MGAT5: variants seen among roughly 807,000 people sequenced by gnomAD.
The protein encoded by MGAT5 is alpha-1,6-mannosylglycoprotein 6-beta-N-acetylglucosaminyltransferase A.
MGAT5 carries 30 observed loss-of-function variants against 94.3 expected under a neutral mutation model. That is an observed-to-expected ratio of 0.32 (90% confidence interval 0.24 to 0.43). The LOEUF is 0.43. Ranked by LOEUF, MGAT5 falls within the 20% of genes least tolerant of loss-of-function variation. The probability of loss-of-function intolerance (pLI) is 1.00; values close to 1 mark genes in which losing one functional copy is unlikely to be tolerated. For missense variants in MGAT5, 691 were observed against 905.5 expected (o/e 0.76, Z 3.04); for synonymous variants, 310 against 322.9 (o/e 0.96, Z 0.43).
At chr2:134,362,549 T>C in intron 10 of MGAT5, 141 bp downstream of exon 10, 1 of 1,118,558 alleles carries the variant, frequency 8.9e-7, no homozygotes, top group Non-Finnish European at 1.3e-6. Flanking sequence ...TGTGCAAAGA[T>C]TCAGTTGCTC....
chr2:134,339,081 A>G (rs1246052891), intron 6 of MGAT5, among the ~76,000 whole-genome samples: 1 of 152,192 alleles, frequency 6.6e-6, no homozygotes, highest in African/African-American at 2.4e-5. Context: ...TGAGTTTGGT[A>G]TTCCTAATCC....
intron 10 of MGAT5, among the ~76,000 whole-genome samples, chr2:134,395,667 T>C (rs920722736): frequency 6.6e-5 from 10 of 152,222 alleles, no homozygotes; most frequent in African/African-American, 2.4e-4. Flanking sequence ...TATTTATGGA[T>C]GAGACATTTG....
chr2:134,391,860 C>G (rs1457052704), intron 10 of MGAT5, among the ~76,000 whole-genome samples: 1 of 152,182 alleles, frequency 6.6e-6, no homozygotes, highest in South Asian at 2.1e-4. Context: ...TTGGGCCTCT[C>G]CAGGAGGGAG....
intron 8 of MGAT5, among the ~76,000 whole-genome samples, chr2:134,347,681 C>T (rs1030259707): frequency 1.3e-5 from 2 of 152,028 alleles, no homozygotes; most frequent in African/African-American, 4.8e-5. Context: ...AGAGGATGTG[C>T]GTAGGTTATG....
At chr2:134,128,463 C>T (rs1685958001) in intron 1 of MGAT5, among the ~76,000 whole-genome samples, 2 of 152,142 alleles carry the variant, frequency 1.3e-5, no homozygotes, top group East Asian at 3.9e-4. Flanking sequence ...ATTGTTCTTC[C>T]TGTAAAGTGT....
At chr2:134,332,103 G>A (rs906300375) in intron 4 of MGAT5, among the ~76,000 whole-genome samples, 11 of 151,936 alleles carry the variant, frequency 7.2e-5, no homozygotes, top group African/African-American at 2.7e-4. Flanking sequence ...AGTTCATATG[G>A]AACCAAAAAA....
chr2:134,124,124 A>G (rs999219246), intron 1 of MGAT5, among the ~76,000 whole-genome samples: 1 of 152,180 alleles, frequency 6.6e-6, no homozygotes, highest in Non-Finnish European at 1.5e-5. Flanking sequence ...GCTGGGTATA[A>G]AGATGTCCTC....
intron 2 of MGAT5, among the ~76,000 whole-genome samples, chr2:134,291,799 T>C (rs1216897458): frequency 6.6e-6 from 1 of 152,220 alleles, no homozygotes; most frequent in Non-Finnish European, 1.5e-5. Context: ...TAGTCAGTTT[T>C]CCCTAGAAGC....
intron 11 of MGAT5, among the ~76,000 whole-genome samples, chr2:134,409,444 C>G (rs915829570): frequency 6.6e-6 from 1 of 152,192 alleles, no homozygotes; most frequent in Non-Finnish European, 1.5e-5. Flanking sequence ...TGGAGCTAGA[C>G]CTTGAAGCCT....
intron 1 of MGAT5, among the ~76,000 whole-genome samples, chr2:134,179,167 C>CT (rs1206910886): frequency 6.6e-6 from 1 of 152,074 alleles, no homozygotes; most frequent in East Asian, 1.9e-4. Context: ...CGTGTTTATC[C>CT]TTTTTTTGTG....
intron 1 of MGAT5, among the ~76,000 whole-genome samples, chr2:134,165,644 G>A (rs912624869): frequency 3.5e-4 from 53 of 152,214 alleles, no homozygotes; most frequent in African/African-American, 1.2e-3. Flanking sequence ...TCATGGTGGC[G>A]GGCGCCTGTA....
At chr2:134,402,043 G>C (rs1435695468) in intron 10 of MGAT5, among the ~76,000 whole-genome samples, 1 of 152,156 alleles carries the variant, frequency 6.6e-6, no homozygotes, top group East Asian at 1.9e-4. Flanking sequence ...AGATTTGCCT[G>C]GAGTGTCTGA....
intron 2 of MGAT5, among the ~76,000 whole-genome samples, chr2:134,291,942 C>T (rs1057219455): frequency 2.6e-5 from 4 of 152,068 alleles, no homozygotes; most frequent in African/African-American, 9.7e-5. Context: ...TGGAACTTTC[C>T]GTGACTGTTT....
At chr2:134,276,010 G>T (rs950216224) in intron 2 of MGAT5, among the ~76,000 whole-genome samples, 2 of 152,104 alleles carry the variant, frequency 1.3e-5, no homozygotes, top group Non-Finnish European at 2.9e-5. Context: ...GTGAAATTCC[G>T]ATCTATGAGA....
At chr2:134,192,971 TA>T (rs968321105) in intron 1 of MGAT5, among the ~76,000 whole-genome samples, 5 of 151,984 alleles carry the variant, frequency 3.3e-5, no homozygotes, top group African/African-American at 1.2e-4. Flanking sequence ...GAATGATGTT[TA>T]AAAAAATTTT....
At chr2:134,342,738 T>C (rs1298204195) in intron 7 of MGAT5, among the ~76,000 whole-genome samples, 3 of 86,812 alleles carry the variant, frequency 3.5e-5, no homozygotes, top group African/African-American at 8.4e-5. Flanking sequence ...AAAAAAAAAA[T>C]TGGATACACA....
intron 1 of MGAT5, among the ~76,000 whole-genome samples, chr2:134,177,630 A>C (rs1338141085): frequency 1.3e-5 from 2 of 152,188 alleles, no homozygotes; most frequent in African/African-American, 4.8e-5. Context: ...TGTCCAAATG[A>C]ACTGATTTAT....
intron 12 of MGAT5, among the ~76,000 whole-genome samples, chr2:134,415,767 C>G (rs1283347156): frequency 1.3e-5 from 2 of 152,088 alleles, no homozygotes; most frequent in African/African-American, 2.4e-5. Flanking sequence ...ATATTGAAGT[C>G]TAATCAATTT....
chr2:134,422,825 C>G lies in MGAT5; in HGVS notation c.1700C>G (p.Ala567Gly), dbSNP rs376402881. Residue 567 changes from alanine (A) to glycine (G), a missense_variant, in exon 13 of 16, where the codon GCT (alanine) becomes GGT (glycine). This residue lies in a region of MGAT5 where 260 missense variants were observed against 347.0 expected (regional missense o/e 0.75). Transcript: ENST00000281923. Reference sequence around the variant, plus strand: ...CAGCTGACATCCCAGCATCCTTACGCTGAAGTTTTCATCGGGCGGCCACAT... The same window carrying G: ...CAGCTGACATCCCAGCATCCTTACGGTGAAGTTTTCATCGGGCGGCCACAT... Reference protein sequence around the residue: ...LRELTSQHPYAEVFIGRPHVW... With the variant: ...LRELTSQHPYGEVFIGRPHVW... The G allele has an allele frequency of 2.5e-6, 4 of 1,613,770 alleles. No individual in the cohort carries two copies. The highest frequency in any genetic ancestry group is 3.4e-6 in the Non-Finnish European group (4 of 1,179,808).
Sources: gnomAD v4.1 joint callset for allele counts (sites outside exome capture counted in the v4.1 genomes callset) on GRCh38, gnomAD v4.1.1 for gene constraint, gnomAD v4.1.1 regional missense constraint, MANE v1.5 for transcripts, NCBI Gene and HGNC (gene_info 2026-07-23, HGNC 2026-07-21) for gene names.